The following TMTC1 variants were observed in gnomAD, a reference collection of about 807,000 sequenced individuals.
The protein encoded by TMTC1 is transmembrane O-mannosyltransferase targeting cadherins 1, also known as protein O-mannosyl-transferase TMTC1.
In TMTC1, 73 loss-of-function variants were observed where a neutral mutation model predicts 104.8. The observed-to-expected ratio is 0.70, with a 90% CI of 0.58 to 0.85. The LOEUF is 0.85. TMTC1 is among the 40% of genes least tolerant of loss of function. The pLI, the probability that TMTC1 is intolerant of heterozygous loss-of-function variation, is 0.00. For synonymous variants in TMTC1, 434 were observed against 428.7 expected, an observed-to-expected ratio of 1.01 and a Z score of -0.15; for missense variants, 1,035 against 1,096.1, an observed-to-expected ratio of 0.94 and a Z score of 0.79.
chr12:29,575,616 A>G (rs1458324538), intron 8 of TMTC1, among the ~76,000 whole-genome samples: 2 of 151,976 alleles, frequency 1.3e-5, no homozygotes, highest in African/African-American at 2.4e-5. Flanking sequence ...CTGTGAAGCC[A>G]GAGAACAGCC....
At chr12:29,588,951 C>T (rs988475171) in intron 7 of TMTC1, among the ~76,000 whole-genome samples, 1 of 151,920 alleles carries the variant, frequency 6.6e-6, no homozygotes, top group East Asian at 1.9e-4. Context: ...TTCTTGGGAC[C>T]CCAATTGACT....
At chr12:29,597,213 CTTTTTCTT>C (rs1442128836) in intron 7 of TMTC1, among the ~76,000 whole-genome samples, 12 of 143,724 alleles carry the variant, frequency 8.3e-5, no homozygotes, top group African/African-American at 3.2e-4. Context: ...CTTTTCTTTT[CTTTTTCTT>C]TTTCTTTCTT....
At chr12:29,625,189 AAC>A (rs1474991853) in intron 6 of TMTC1, among the ~76,000 whole-genome samples, 1 of 152,244 alleles carries the variant, frequency 6.6e-6, no homozygotes, top group African/African-American at 2.4e-5. Context: ...TTTAACACAG[AAC>A]AATGTCCATA....
chr12:29,583,253 C>T (rs962213319), intron 8 of TMTC1, among the ~76,000 whole-genome samples, 154 bp downstream of exon 8: 1 of 152,162 alleles, frequency 6.6e-6, no homozygotes, highest in Non-Finnish European at 1.5e-5. Context: ...AAAGTTAAAA[C>T]CCCACATAAA....
chr12:29,774,888 C>G (rs1055515827), intron 1 of TMTC1, among the ~76,000 whole-genome samples: 5 of 152,202 alleles, frequency 3.3e-5, no homozygotes, highest in Admixed American at 6.5e-5. Context: ...GAGATTGATA[C>G]TCTGCAGCTG....
intron 9 of TMTC1, among the ~76,000 whole-genome samples, chr12:29,568,293 G>T (rs1369550318): frequency 6.6e-6 from 1 of 152,172 alleles, no homozygotes; most frequent in East Asian, 1.9e-4. Context: ...AAATTTAAGT[G>T]TGAAGAGGAA....
intron 1 of TMTC1, among the ~76,000 whole-genome samples, chr12:29,780,740 T>C (rs889617048): frequency 1.3e-5 from 2 of 152,224 alleles, no homozygotes; most frequent in Admixed American, 1.3e-4. Context: ...CTGGTTGTAA[T>C]ATTATACCAT....
At chr12:29,745,280 A>C (rs1016834653) in intron 5 of TMTC1, among the ~76,000 whole-genome samples, 19 of 152,152 alleles carry the variant, frequency 1.2e-4, no homozygotes, top group Admixed American at 3.9e-4. Flanking sequence ...GTCCCAGAAC[A>C]CCAAAGGGCA....
chr12:29,604,439 T>G, intron 6 of TMTC1, 140 bp from the exon 7 acceptor site: 1 of 1,164,422 alleles, frequency 8.6e-7, no homozygotes, highest in Non-Finnish European at 1.2e-6. Flanking sequence ...ACCGGCGTGC[T>G]GAATTTAACA....
chr12:29,664,092 A>C (rs12828880), intron 5 of TMTC1, among the ~76,000 whole-genome samples: 72,156 of 149,284 alleles, frequency 0.48, 17,870 homozygotes, highest in Middle Eastern at 0.55. Flanking sequence ...GAGGCTGAGG[A>C]AGGAGAATGG....
chr12:29,768,336 A>AAACAGGC (rs1158185384), intron 1 of TMTC1, among the ~76,000 whole-genome samples: 1 of 152,190 alleles, frequency 6.6e-6, no homozygotes, highest in African/African-American at 2.4e-5. Context: ...GAAGGCAAGC[A>AAACAGGC]AACAGGTGCT....
chr12:29,737,077 G>A (rs1591992447), intron 5 of TMTC1, among the ~76,000 whole-genome samples: 1 of 152,242 alleles, frequency 6.6e-6, no homozygotes, highest in African/African-American at 2.4e-5. Flanking sequence ...GATGAAATGT[G>A]ACACGTCGCA....
At chr12:29,693,606 ATTTAT>A (rs144630548) in intron 5 of TMTC1, among the ~76,000 whole-genome samples, 3,445 of 152,050 alleles carry the variant, frequency 0.023, 76 homozygotes, top group Admixed American at 0.052. Context: ...GCTTCTATAA[ATTTAT>A]TTTAAAAACT....
chr12:29,559,114 A>G (rs979720202), intron 9 of TMTC1, among the ~76,000 whole-genome samples: 5 of 152,206 alleles, frequency 3.3e-5, no homozygotes, highest in Non-Finnish European at 7.3e-5. Flanking sequence ...CAGTAACAGA[A>G]AGCTTATCTG....
chr12:29,634,924 C>T (rs758561770), intron 5 of TMTC1, among the ~76,000 whole-genome samples: 13 of 152,156 alleles, frequency 8.5e-5, no homozygotes, highest in Non-Finnish European at 1.6e-4. Context: ...TTCTCTCCTC[C>T]CCTCCTCTGT....
In TMTC1 at chr12:29,624,332, C is replaced by T. The variant is rs531394618; in HGVS notation, c.1128+8815G>A. Among the ~76,000 whole-genome samples, 5 of 152,070 alleles carry T rather than the reference C, an allele frequency of 3.3e-5. No homozygotes were observed. The South Asian group carries it at 6.2e-4, about 19-fold the overall frequency. ...ATTTCCTCCGCTGGCTTGGGCCCAC[C>T]AAGAAGAAAACTAAACAAAACAGAG... is the stretch of plus-strand genomic sequence containing the variant. On this transcript the variant is annotated intron_variant, in intron 6 of 17. Coordinates refer to ENST00000539277, the MANE Select transcript of TMTC1 (RefSeq NM_001193451.2).
chr12:29,724,303 G>A (rs1942321317), intron 5 of TMTC1, among the ~76,000 whole-genome samples: 3 of 152,252 alleles, frequency 2.0e-5, no homozygotes, highest in South Asian at 4.1e-4. Context: ...GCTGAGTGTG[G>A]TATATATTGT....
intron 1 of TMTC1, among the ~76,000 whole-genome samples, chr12:29,777,122 G>A (rs775320899): frequency 2.7e-4 from 41 of 151,608 alleles, no homozygotes; most frequent in Non-Finnish European, 1.3e-4. Context: ...TTTTAACAGA[G>A]TCTCGCTCTG....
chr12:29,728,341 CA>C (rs1219107222), intron 5 of TMTC1, among the ~76,000 whole-genome samples: 1 of 152,120 alleles, frequency 6.6e-6, no homozygotes, highest in Non-Finnish European at 1.5e-5. Context: ...GGAGGCCACG[CA>C]AACCAGCTTC....
Sources: gnomAD v4.1 joint callset for allele counts (sites outside exome capture counted in the v4.1 genomes callset) on GRCh38, gnomAD v4.1.1 for gene constraint, MANE v1.5 for transcripts, NCBI Gene and HGNC (gene_info 2026-07-23, HGNC 2026-07-21) for gene names.